TKFC: variants seen among roughly 807,000 people sequenced by gnomAD.
TKFC encodes the protein triokinase and FMN cyclase.
In TKFC, 46 loss-of-function variants were observed where a neutral mutation model predicts 61.0. The observed-to-expected ratio is 0.75, with a 90% CI of 0.60 to 0.96. The LOEUF is 0.96. Ranked by LOEUF, TKFC falls within the 50% of genes least tolerant of loss-of-function variation. The probability of loss-of-function intolerance (pLI) is 0.00; values close to 1 mark genes in which losing one functional copy is unlikely to be tolerated. For missense variants in TKFC, 715 were observed against 777.5 expected, an observed-to-expected ratio of 0.92 and a Z score of 0.96; for synonymous variants, 314 against 330.1, an observed-to-expected ratio of 0.95 and a Z score of 0.53.
Position 61,346,966 on chromosome 11 carries a change from AGGGG to A in TKFC, c.*465_*468del. 1.0e-6 allele frequency: 1 copy of A among 987,366 alleles called. No individual in the cohort carries two copies. Among genetic ancestry groups the A allele is most frequent in the Non-Finnish European group, 1.2e-6 (1 of 831,186 alleles). 61.2% of individuals were successfully genotyped at this position (987,366 alleles called of 1,614,324 possible). A position where few individuals can be genotyped will look rare whatever the true frequency, so the allele number is the denominator to read the frequency against. On this transcript the variant is annotated 3_prime_UTR_variant, in exon 18 of 18. Transcript: ENST00000394900. The surrounding 1 kb of genome is among the most constrained non-coding windows in gnomAD (Gnocchi z 4.1). ...GGACCTTTTCCCAAGCATGTAAACAAGGGGGCCCACAGCCCTGGCTGCAGGCATC... is the reference window on the plus strand; with the variant it reads ...GGACCTTTTCCCAAGCATGTAAACAAGCCCACAGCCCTGGCTGCAGGCATC...
chr11:61,347,398 C>A lies in TKFC; in HGVS notation c.*895C>A. Reference sequence around the variant, plus strand: ...CTCTACCAAAAAATACAAAATTAGCCAGGCATAGTAGTGTGTGCCTATAGT... The same window carrying A: ...CTCTACCAAAAAATACAAAATTAGCAAGGCATAGTAGTGTGTGCCTATAGT... On this transcript the variant is annotated 3_prime_UTR_variant, in exon 18 of 18. Coordinates refer to ENST00000394900, the MANE Select transcript of TKFC (RefSeq NM_015533.4). The A allele has an allele frequency of 2.3e-6, 2 of 866,740 alleles. No homozygotes were observed. Among genetic ancestry groups the A allele is most frequent in the Non-Finnish European group, 2.8e-6 (2 of 721,810 alleles). 53.7% of individuals were successfully genotyped at this position (866,740 alleles called of 1,614,324 possible).
chr11:61,350,675 A>AATCACAC (rs1857359410), downstream of TKFC: 1 of 599,818 alleles, frequency 1.7e-6, no homozygotes, highest in African/African-American at 1.9e-5. Flanking sequence ...GTAAAGGAGA[A>AATCACAC]ATCACACACC....
downstream of TKFC, chr11:61,353,123 G>A: frequency 6.2e-7 from 1 of 1,609,512 alleles, no homozygotes; most frequent in Non-Finnish European, 8.5e-7. Context: ...GAGGAAGACA[G>A]CAAAGCCCAG....
rs1459218208 is a variant in TKFC at position 61,346,477 on chromosome 11, G to A, written c.1702G>A (p.Ala568Thr). 5.6e-6 allele frequency: 9 copies of A among 1,608,614 alleles called. No individual in the cohort carries two copies. Among genetic ancestry groups the A allele is most frequent in the Non-Finnish European group, 7.6e-6 (9 of 1,179,000 alleles). The change falls in exon 18 of 18, where the codon GCC becomes ACC. Residue 568 changes from alanine to threonine, a missense_variant. Physicochemically the swap from Ala to Thr is moderately conservative, Grantham distance 58 (BLOSUM62 0). Coordinates refer to ENST00000394900, the MANE Select transcript of TKFC (RefSeq NM_015533.4). This position sits in a 1 kb window ranked among gnomAD's most constrained non-coding sequence, Gnocchi z 4.1. ...GGTGGCAGCTGCTGCCATCCTCCGG[G>A]CCATCTTGGAGGTCTTGCAGAGCTA... ...GAVAAAAILR[A>T]ILEVLQS is the part of the protein sequence containing the mutation.
chr11:61,339,404 G>A lies in TKFC; in HGVS notation c.455G>A (p.Arg152Gln), dbSNP rs185836791. The change falls in exon 5 of 18, where the codon CGG (arginine) becomes CAG (glutamine). Residue 152 changes from arginine (R) to glutamine (Q), a missense_variant. Arg to Gln is a conservative substitution (Grantham distance 43). Coordinates refer to ENST00000394900, the MANE Select transcript of TKFC (RefSeq NM_015533.4). Reference protein sequence around the residue: ...AFTVLKKAGRRGLCGTVLIHK... With the variant: ...AFTVLKKAGRQGLCGTVLIHK... ...ACTGTCCTGAAGAAGGCAGGCCGGCGGGGGCTGTGCGGCACGGTGCTTATA... is the reference window on the plus strand; with the variant it reads ...ACTGTCCTGAAGAAGGCAGGCCGGCAGGGGCTGTGCGGCACGGTGCTTATA... The A allele has an allele frequency of 8.7e-6, 14 of 1,612,918 alleles. No homozygotes were observed. Among genetic ancestry groups the A allele is most frequent in the East Asian group, 6.7e-5 (3 of 44,878 alleles).
intron 7 of TKFC, 152 bp from the exon 8 acceptor site, chr11:61,342,309 A>G (rs916872641): frequency 3.0e-5 from 29 of 977,274 alleles, no homozygotes; most frequent in African/African-American, 6.4e-5. Flanking sequence ...CTCCCAGAGA[A>G]CAGAGATCGT....
At chr11:61,350,414 C>T (rs200397941), downstream of TKFC, 16 of 1,611,326 alleles carry the variant, frequency 9.9e-6, no homozygotes, top group Middle Eastern at 1.6e-4. Context: ...CCCCATCATG[C>T]AGCAGGGGCT....
At chr11:61,351,159 A>C, downstream of TKFC, 1 of 1,606,104 alleles carries the variant, frequency 6.2e-7, no homozygotes, top group East Asian at 2.2e-5. Context: ...TGAAGATGAC[A>C]AAACAATGTG....
chr11:61,349,145 A>G lies in TKFC; in HGVS notation c.*2642A>G, dbSNP rs79346879. The G allele has an allele frequency of 6.6e-3, 1,243 of 188,870 alleles. 16 individuals are homozygous for G. Among genetic ancestry groups the G allele is most frequent in the African/African-American group, 0.027 (1,180 of 43,770 alleles). The allele number at this position is 188,870 out of a possible 1,614,324, so 11.7% of individuals were successfully genotyped here. ...TCTTTGGAGAAGGCAAAAAAGCCACAGCAGCAACACTTAGGAGCAAGACCC... is the reference window on the plus strand; with the variant it reads ...TCTTTGGAGAAGGCAAAAAAGCCACGGCAGCAACACTTAGGAGCAAGACCC... On this transcript the variant is annotated 3_prime_UTR_variant, in exon 18 of 18. Coordinates refer to ENST00000394900, the MANE Select transcript of TKFC (RefSeq NM_015533.4).
chr11:61,337,406 A>G (rs1856654599), intron 2 of TKFC, among the ~76,000 whole-genome samples: 1 of 152,204 alleles, frequency 6.6e-6, no homozygotes, highest in African/African-American at 2.4e-5. Context: ...TCAGCCTCCC[A>G]AAGTGCTGGG....
At chr11:61,341,365 T>C in intron 5 of TKFC, 71 bp from the exon 6 acceptor site, 1 of 1,509,680 alleles carries the variant, frequency 6.6e-7, no homozygotes, top group Non-Finnish European at 9.0e-7. Flanking sequence ...ATTCATCCCC[T>C]GCCTGTCTTC....
intron 5 of TKFC, among the ~76,000 whole-genome samples, chr11:61,341,054 GTGGA>G (rs1187837886): frequency 6.6e-6 from 1 of 151,976 alleles, no homozygotes; most frequent in Admixed American, 6.6e-5. Flanking sequence ...TAAAAATTGG[GTGGA>G]TGGATGGATG....
rs1273611157 is a variant in TKFC at position 61,342,486 on chromosome 11, C to T, written c.681C>T (p.Arg227=). The T allele has an allele frequency of 1.2e-6, 2 of 1,614,064 alleles. No individual in the cohort carries two copies. The highest frequency in any genetic ancestry group is 1.6e-4 in the Middle Eastern group (1 of 6,062). The part of the protein sequence containing the change: ...GLGIHGEAGV[R]RIKMATADEI... ...GGATCCACGGGGAAGCTGGTGTGCG[C>T]CGGATAAAGGTAGGTGGTCCCTCTG... is the stretch of plus-strand genomic sequence containing the variant. The change falls in exon 8 of 18, where the codon CGC becomes CGT. Residue 227 remains arginine (R), a synonymous_variant. Coordinates refer to ENST00000394900, the MANE Select transcript of TKFC (RefSeq NM_015533.4).
Position 61,346,035 on chromosome 11 carries a change from C to A in TKFC, c.1575+89C>A. ...ATGTGACCCTGAGCAAGTTAATAAC[C>A]TTCCTGGACCGCAGTTTCCTTCTCT... On this transcript the variant is annotated intron_variant, in intron 17 of 17. Coordinates refer to ENST00000394900, the MANE Select transcript of TKFC (RefSeq NM_015533.4). The surrounding 1 kb of genome is among the most constrained non-coding windows in gnomAD (Gnocchi z 4.1). 7.3e-7 allele frequency: 1 copy of A among 1,372,162 alleles called. No homozygotes were observed. The highest frequency in any genetic ancestry group is 1.0e-6 in the Non-Finnish European group (1 of 993,254). 85.0% of individuals were successfully genotyped at this position (1,372,162 alleles called of 1,614,324 possible). A position where few individuals can be genotyped will look rare whatever the true frequency, so the allele number is the denominator to read the frequency against.
At chr11:61,338,173 C>G (rs757418446) in intron 3 of TKFC, 43 bp downstream of exon 3, 2 of 1,499,844 alleles carry the variant, frequency 1.3e-6, no homozygotes, top group East Asian at 4.7e-5. Context: ...GTGGAGTGGA[C>G]AGGGCCTCCT....
At position 61,342,450 on chromosome 11, in the gene TKFC, T is replaced by G; in HGVS notation, c.656-11T>G. On this transcript the variant is annotated splice_polypyrimidine_tract_variant and intron_variant, in intron 7 of 17. Transcript: ENST00000394900. Reference sequence around the variant, plus strand: ...CTTGAGTGGGTCAGCAGTGACCACATCTATCCGCAGGGATCCACGGGGAAG... The same window carrying G: ...CTTGAGTGGGTCAGCAGTGACCACAGCTATCCGCAGGGATCCACGGGGAAG... 4 of 1,613,948 alleles carry G rather than the reference T, an allele frequency of 2.5e-6. No individual in the cohort carries two copies. Among genetic ancestry groups the G allele is most frequent in the Non-Finnish European group, 3.4e-6 (4 of 1,180,020 alleles).
At chr11:61,344,832 T>A (rs1488656353) in intron 13 of TKFC, among the ~76,000 whole-genome samples, 1 of 152,182 alleles carries the variant, frequency 6.6e-6, no homozygotes, top group African/African-American at 2.4e-5. Flanking sequence ...CATCATTCAT[T>A]CGAGAAAAAG....
chr11:61,352,667 A>C, downstream of TKFC: 1 of 563,294 alleles, frequency 1.8e-6, no homozygotes, highest in South Asian at 2.9e-5. Flanking sequence ...TCTCAAAAAA[A>C]AAGAAAAAAG....
Position 61,344,132 on chromosome 11 carries a change from C to A in TKFC, c.1103-4C>A. The A allele has an allele frequency of 6.2e-7, 1 of 1,612,034 alleles. No individual in the cohort carries two copies. Among genetic ancestry groups the A allele is most frequent in the Non-Finnish European group, 8.5e-7 (1 of 1,179,942 alleles). On this transcript the variant is annotated splice_polypyrimidine_tract_variant and splice_region_variant and intron_variant, in intron 12 of 17. Transcript: ENST00000394900. ...GCCTGTTCTTCAGCATCCTCCCTTT[C>A]TAGGCTCAGCCTCGAAGCGGATGGC...
Sources: gnomAD v4.1 joint callset for allele counts (sites outside exome capture counted in the v4.1 genomes callset) on GRCh38, gnomAD v4.1.1 for gene constraint, Gnocchi (gnomAD v3.1) non-coding constraint, MANE v1.5 for transcripts, NCBI Gene and HGNC (gene_info 2026-07-23, HGNC 2026-07-21) for gene names.